Variants in SLC16A12 observed in about 807,000 individuals in gnomAD.
SLC16A12 encodes solute carrier family 16 member 12.
A neutral mutation model predicts 42.4 loss-of-function variants in SLC16A12; 17 were observed. That is an observed-to-expected ratio of 0.40 (90% CI 0.27 to 0.60). SLC16A12 has a LOEUF of 0.60. Among genes scored for constraint, SLC16A12 ranks in the 20% least tolerant of loss-of-function variants. The pLI is 0.42. For synonymous variants in SLC16A12, 224 were observed against 229.4 expected (o/e 0.98, Z 0.21); for missense variants, 544 against 623.0 (o/e 0.87, Z 1.35).
intron 2 of SLC16A12, among the ~76,000 whole-genome samples, chr10:89,465,959 A>T (rs933193792): frequency 2.0e-5 from 3 of 152,198 alleles, no homozygotes; most frequent in Non-Finnish European, 4.4e-5. Flanking sequence ...TAGATTCTGG[A>T]TGTGATACCT....
chr10:89,454,939 C>T (rs1330190784), intron 3 of SLC16A12, among the ~76,000 whole-genome samples: 1 of 151,952 alleles, frequency 6.6e-6, no homozygotes, highest in African/African-American at 2.4e-5. Context: ...GTTCATAAAA[C>T]ACTTTTCAAG....
At chr10:89,504,072 G>C (rs2133826328) in intron 2 of SLC16A12, among the ~76,000 whole-genome samples, 1 of 152,050 alleles carries the variant, frequency 6.6e-6, no homozygotes, top group East Asian at 1.9e-4. Flanking sequence ...CTCAGCTTCA[G>C]CTCCCATCTC....
intron 2 of SLC16A12, among the ~76,000 whole-genome samples, chr10:89,476,822 T>C (rs1444415348): frequency 6.6e-6 from 1 of 152,258 alleles, no homozygotes; most frequent in East Asian, 1.9e-4. Context: ...TTGCCCCTTC[T>C]TTCTGCTTTT....
chr10:89,460,744 C>CAAAAA (rs751005622), intron 3 of SLC16A12, among the ~76,000 whole-genome samples: 1 of 68,444 alleles, frequency 1.5e-5, no homozygotes, highest in Non-Finnish European at 2.9e-5. Context: ...GACACTGTCT[C>CAAAAA]AAAAAAAAAA....
At position 89,457,833 on chromosome 10, in the gene SLC16A12, C is replaced by T. The variant is rs538617745; in HGVS notation, c.200+4546G>A. Reference sequence around the variant, plus strand: ...TTTCAAAAATATTCAGACTGTAATGCTATTGTAATTTGTTTAGTGGAAACT... The same window carrying T: ...TTTCAAAAATATTCAGACTGTAATGTTATTGTAATTTGTTTAGTGGAAACT... On this transcript the variant is annotated intron_variant, in intron 3 of 7. Coordinates refer to ENST00000371790, the MANE Select transcript of SLC16A12 (RefSeq NM_213606.4). 7.9e-5 allele frequency among the ~76,000 whole-genome samples: 12 copies of T among 152,228 alleles called. 1 individual carries two copies. In the East Asian group the frequency reaches 2.3e-3, roughly 29 times the overall value.
intron 2 of SLC16A12, among the ~76,000 whole-genome samples, chr10:89,476,647 G>A (rs1842585612): frequency 6.6e-6 from 1 of 152,208 alleles, no homozygotes; most frequent in Non-Finnish European, 1.5e-5. Flanking sequence ...CACGGAGCTT[G>A]AAGAATGGTA....
intron 2 of SLC16A12, among the ~76,000 whole-genome samples, chr10:89,497,700 T>G (rs1842940293): frequency 6.6e-6 from 1 of 151,738 alleles, no homozygotes; most frequent in Non-Finnish European, 1.5e-5. Flanking sequence ...TCTGTGCAGT[T>G]ACTGATTAAA....
At chr10:89,436,598 T>C (rs1337033894) in intron 6 of SLC16A12, among the ~76,000 whole-genome samples, 2 of 152,136 alleles carry the variant, frequency 1.3e-5, no homozygotes, top group Non-Finnish European at 2.9e-5. Flanking sequence ...TCAATTTCTT[T>C]AGCTATAAAA....
At chr10:89,528,208 C>A (rs1002050133) in intron 2 of SLC16A12, among the ~76,000 whole-genome samples, 1 of 152,072 alleles carries the variant, frequency 6.6e-6, no homozygotes, top group Non-Finnish European at 1.5e-5. Context: ...CCCAAGATAA[C>A]CCTTTTTATT....
At chr10:89,455,804 C>T (rs1174994425) in intron 3 of SLC16A12, among the ~76,000 whole-genome samples, 1 of 152,142 alleles carries the variant, frequency 6.6e-6, no homozygotes, top group Non-Finnish European at 1.5e-5. Flanking sequence ...TCCCTCAGGG[C>T]CTCAGTTTCT....
chr10:89,487,685 G>A (rs563863358), intron 2 of SLC16A12, among the ~76,000 whole-genome samples: 181 of 150,006 alleles, frequency 1.2e-3, no homozygotes, highest in Non-Finnish European at 1.8e-3. Context: ...GGTGGTGCGC[G>A]CCTGTAGCCC....
chr10:89,527,412 G>A (rs2133864197), intron 2 of SLC16A12, among the ~76,000 whole-genome samples: 1 of 152,104 alleles, frequency 6.6e-6, no homozygotes, highest in Middle Eastern at 3.4e-3. Flanking sequence ...GAACCCAGGA[G>A]GCAGAGGTTG....
At chr10:89,456,610 G>T (rs1743114748) in intron 3 of SLC16A12, among the ~76,000 whole-genome samples, 1 of 151,872 alleles carries the variant, frequency 6.6e-6, no homozygotes, top group Non-Finnish European at 1.5e-5. Context: ...AGATAAACGT[G>T]TGCCATGGTG....
chr10:89,554,479 T>A (rs188357971), intron 2 of SLC16A12, among the ~76,000 whole-genome samples: 1 of 152,364 alleles, frequency 6.6e-6, no homozygotes, highest in East Asian at 1.9e-4. Flanking sequence ...TAGTTGTTGA[T>A]CATGTTATTA....
At chr10:89,437,120 T>G (rs945275146) in intron 6 of SLC16A12, among the ~76,000 whole-genome samples, 4 of 152,168 alleles carry the variant, frequency 2.6e-5, no homozygotes, top group African/African-American at 9.7e-5. Flanking sequence ...TGGCATGTCA[T>G]AGATCATAAA....
chr10:89,508,847 AG>A (rs1278596658), intron 2 of SLC16A12, among the ~76,000 whole-genome samples: 3 of 152,206 alleles, frequency 2.0e-5, no homozygotes, highest in African/African-American at 7.2e-5. Context: ...CTAATAAAGA[AG>A]AAAAGAGACA....
chr10:89,457,662 A>AT (rs57114948), intron 3 of SLC16A12, among the ~76,000 whole-genome samples: 9,783 of 151,330 alleles, frequency 0.065, 1,061 homozygotes, highest in African/African-American at 0.22. Context: ...AACCAGTTAC[A>AT]TTTTTTTTTG....
rs772783413 is a variant in SLC16A12, at chr10:89,430,629, T to G, written c.*2435A>C. On this transcript the variant is annotated 3_prime_UTR_variant, in exon 8 of 8. Transcript: ENST00000371790. ...TAAAATTCTGTGTAGAAATGTAAAA[T>G]AGTAGACCTTAAGATGTACATTTTT... 4 of 465,000 alleles carry G rather than the reference T, an allele frequency of 8.6e-6. No individual in the cohort carries two copies. The highest frequency in any genetic ancestry group is 6.4e-5 in the South Asian group (4 of 62,518). 28.8% of individuals were successfully genotyped at this position (465,000 alleles called of 1,614,324 possible). A position where few individuals can be genotyped will look rare whatever the true frequency, so the allele number is the denominator to read the frequency against.
chr10:89,552,177 T>C (rs1362649328), intron 2 of SLC16A12, among the ~76,000 whole-genome samples: 1 of 152,040 alleles, frequency 6.6e-6, no homozygotes, highest in African/African-American at 2.4e-5. Context: ...CTTTTGATCT[T>C]CCCACCTTGG....
Sources: gnomAD v4.1 joint callset for allele counts (sites outside exome capture counted in the v4.1 genomes callset) on GRCh38, gnomAD v4.1.1 for gene constraint, MANE v1.5 for transcripts, NCBI Gene and HGNC (gene_info 2026-07-23, HGNC 2026-07-21) for gene names.